The following NCOA7 variants were observed in gnomAD, a reference collection of about 807,000 sequenced individuals.
NCOA7 encodes 140 kDa estrogen receptor-associated protein.
NCOA7 carries 45 observed loss-of-function variants against 104.3 expected under a neutral mutation model. That is an observed-to-expected ratio of 0.43 (90% CI 0.34 to 0.55). The LOEUF (loss-of-function observed/expected upper bound fraction) is 0.55. NCOA7 is among the 20% of genes least tolerant of loss of function. The pLI is 0.02. For missense variants in NCOA7, 1,041 were observed against 1,119.7 expected (o/e 0.93, Z 1.00); for synonymous variants, 398 against 402.3 (o/e 0.99, Z 0.13).
upstream of NCOA7, among the ~76,000 whole-genome samples, chr6:125,787,004 G>A (rs1014822102): frequency 2.6e-5 from 4 of 151,868 alleles, no homozygotes; most frequent in Admixed American, 6.6e-5. Flanking sequence ...AAAATTAGCC[G>A]GGTGTGGTGG....
chr6:125,914,021 G>A (rs1037062026), intron 10 of NCOA7, among the ~76,000 whole-genome samples: 1 of 152,230 alleles, frequency 6.6e-6, no homozygotes, highest in African/African-American at 2.4e-5. Context: ...CAGCAAACTA[G>A]TCAGTCTTTC....
intron 3 of NCOA7, among the ~76,000 whole-genome samples, chr6:125,862,037 C>CAAAAAAAA (rs56389001): frequency 1.6e-5 from 1 of 63,778 alleles, no homozygotes; most frequent in Non-Finnish European, 2.6e-5. Flanking sequence ...AACTCTTTCT[C>CAAAAAAAA]AAAAAAAAAA....
intron 2 of NCOA7, among the ~76,000 whole-genome samples, chr6:125,840,759 C>G (rs1780047142): frequency 6.6e-6 from 1 of 151,188 alleles, no homozygotes; most frequent in Admixed American, 6.6e-5. Context: ...AGTTCTTCTG[C>G]TTTGGCCTCC....
intron 2 of NCOA7, among the ~76,000 whole-genome samples, chr6:125,828,152 A>G (rs1242452091): frequency 6.6e-6 from 1 of 152,220 alleles, no homozygotes; most frequent in Non-Finnish European, 1.5e-5. Flanking sequence ...AAAGAACAGA[A>G]CTAAAGAATG....
chr6:125,922,146 C>T (rs1583557617), intron 12 of NCOA7, among the ~76,000 whole-genome samples: 1 of 152,136 alleles, frequency 6.6e-6, no homozygotes, highest in African/African-American at 2.4e-5. Flanking sequence ...AAGAGATATA[C>T]ATTATTGGTT....
Position 125,928,894 on chromosome 6 carries a change from C to A in NCOA7, c.*123C>A. The A allele has an allele frequency of 9.5e-7, 1 of 1,051,240 alleles. No individual in the cohort carries two copies. The highest frequency in any genetic ancestry group is 2.6e-5 in the East Asian group (1 of 38,496). 65.1% of individuals were successfully genotyped at this position (1,051,240 alleles called of 1,614,324 possible). A position where few individuals can be genotyped will look rare whatever the true frequency, so the allele number is the denominator to read the frequency against. On this transcript the variant is annotated 3_prime_UTR_variant, in exon 16 of 16. Coordinates refer to ENST00000392477, the MANE Select transcript of NCOA7 (RefSeq NM_181782.5). Reference sequence around the variant, plus strand: ...TCCCACCCCAATGCTTCCTTTCTGCCATCATCTCAGAGCATGATCACATTG... The same window carrying A: ...TCCCACCCCAATGCTTCCTTTCTGCAATCATCTCAGAGCATGATCACATTG...
At chr6:125,851,144 A>G (rs895421766) in intron 2 of NCOA7, among the ~76,000 whole-genome samples, 1 of 152,160 alleles carries the variant, frequency 6.6e-6, no homozygotes, top group Non-Finnish European at 1.5e-5. Flanking sequence ...CTTTGGTGGT[A>G]CAAGTGGTTT....
chr6:125,894,005 A>G (rs1397703271), intron 10 of NCOA7, among the ~76,000 whole-genome samples: 2 of 152,202 alleles, frequency 1.3e-5, no homozygotes, highest in African/African-American at 4.8e-5. Context: ...TGCAGTTTCC[A>G]CAACTCTACT....
Position 125,882,431 on chromosome 6 carries a change from T to A in NCOA7, c.579T>A (p.Ala193=). ...SDAEYDKLPD[A]DLARKALKPI... The stretch of plus-strand genomic sequence containing the variant: ...AAATTTTTTGCTTTCACAAGGATGC[T>A]GACTTAGCACGAAAGGCCTTGAAAC... The change falls in exon 7 of 16, where the codon GCT becomes GCA. Residue 193 remains alanine (A), a synonymous_variant. Transcript: ENST00000392477. The A allele has an allele frequency of 6.2e-7, 1 of 1,612,422 alleles. No individual in the cohort carries two copies. Among genetic ancestry groups the A allele is most frequent in the Non-Finnish European group, 8.5e-7 (1 of 1,179,540 alleles).
chr6:125,891,005 C>A (rs970769414), intron 10 of NCOA7, among the ~76,000 whole-genome samples, 195 bp downstream of exon 10: 3 of 152,164 alleles, frequency 2.0e-5, no homozygotes, highest in Non-Finnish European at 1.5e-5. Flanking sequence ...AATATGGAGT[C>A]ATCATAGGTA....
At chr6:125,806,482 G>T (rs776777125) in intron 1 of NCOA7, among the ~76,000 whole-genome samples, 2 of 152,132 alleles carry the variant, frequency 1.3e-5, no homozygotes, top group Non-Finnish European at 2.9e-5. Context: ...GGGAATTTTT[G>T]AAATTAAAAA....
chr6:125,811,029 T>C (rs762621521), intron 1 of NCOA7, among the ~76,000 whole-genome samples: 1 of 152,230 alleles, frequency 6.6e-6, no homozygotes, highest in Non-Finnish European at 1.5e-5. Context: ...TCCAATTAGA[T>C]TGCTGTAACT....
Position 125,931,729 on chromosome 6 carries a change from T to C in NCOA7, c.*2958T>C, listed in dbSNP as rs1788471321. The C allele has an allele frequency of 6.6e-6, 1 of 152,336 alleles. No homozygotes were observed. Among genetic ancestry groups the C allele is most frequent in the South Asian group, 2.1e-4 (1 of 4,826 alleles). The allele number at this position is 152,336 out of a possible 1,614,324, so 9.4% of individuals were successfully genotyped here. On this transcript the variant is annotated 3_prime_UTR_variant, in exon 16 of 16. Transcript: ENST00000392477. The stretch of plus-strand genomic sequence containing the variant: ...TTAAAGTTTTAGAGACACATTGATA[T>C]GGTTTGGCTGTGTGTCCCCACCAAC...
chr6:125,819,557 T>C (rs1462801114), intron 2 of NCOA7, among the ~76,000 whole-genome samples: 2 of 152,154 alleles, frequency 1.3e-5, no homozygotes, highest in Admixed American at 1.3e-4. Context: ...GCAAATAATT[T>C]ATATATGCAA....
chr6:125,799,677 A>G (rs2128552111), intron 1 of NCOA7, among the ~76,000 whole-genome samples: 1 of 152,174 alleles, frequency 6.6e-6, no homozygotes, highest in South Asian at 2.1e-4. Context: ...CCTGGCCTCA[A>G]ATGATCCGCC....
In NCOA7 at chr6:125,889,803, GA is replaced by G; in HGVS notation, c.1754del (p.Lys585ArgfsTer7). ...ATAAAGAGCCAGATAAGACCTGGGT[GA>G]AAAAGGGAGAGCCCCTCCCGGTAAA... The part of the protein sequence containing the change: ...GNKEPDKTWV[K>X]KGEPLPVKLN... On this transcript the variant is annotated frameshift_variant, in exon 9 of 16. Coordinates refer to ENST00000392477, the MANE Select transcript of NCOA7 (RefSeq NM_181782.5). LOFTEE classifies it high-confidence loss of function. 1.9e-6 allele frequency: 3 copies of G among 1,611,882 alleles called. No homozygotes were observed. Among genetic ancestry groups the G allele is most frequent in the Admixed American group, 3.4e-5 (2 of 59,484 alleles).
At chr6:125,797,516 A>G (rs1775450964) in intron 1 of NCOA7, among the ~76,000 whole-genome samples, 1 of 152,220 alleles carries the variant, frequency 6.6e-6, no homozygotes, top group South Asian at 2.1e-4. Flanking sequence ...GATGAATCCA[A>G]AGGTCTGAGA....
At chr6:125,826,160 A>G (rs937644903) in intron 2 of NCOA7, among the ~76,000 whole-genome samples, 2 of 151,920 alleles carry the variant, frequency 1.3e-5, no homozygotes, top group Non-Finnish European at 2.9e-5. Flanking sequence ...CCCCATCTCC[A>G]CTAAAATACA....
chr6:125,804,818 G>A (rs769269258), intron 1 of NCOA7, among the ~76,000 whole-genome samples: 1 of 152,032 alleles, frequency 6.6e-6, no homozygotes, highest in Non-Finnish European at 1.5e-5. Flanking sequence ...AATTCTGACT[G>A]TCTGTATTTA....
Sources: gnomAD v4.1 joint callset for allele counts (sites outside exome capture counted in the v4.1 genomes callset) on GRCh38, gnomAD v4.1.1 for gene constraint, MANE v1.5 for transcripts, NCBI Gene and HGNC (gene_info 2026-07-23, HGNC 2026-07-21) for gene names.